The following SPAG16 variants were observed in gnomAD, a reference collection of about 807,000 sequenced individuals.
SPAG16 encodes the protein sperm associated antigen 16.
SPAG16 carries 86 observed loss-of-function variants against 80.4 expected under a neutral mutation model. That is an observed-to-expected ratio of 1.07 (90% confidence interval 0.90 to 1.28). The LOEUF (loss-of-function observed/expected upper bound fraction) is 1.28, where lower values mean the gene tolerates loss of function less well. SPAG16 is among the 50% of genes most tolerant of loss of function. The pLI is 0.00. For missense variants in SPAG16, 870 were observed against 765.3 expected (o/e 1.14, Z -1.61); for synonymous variants, 294 against 265.9 (o/e 1.11, Z -1.03).
In SPAG16 at chr2:213,827,205, C is replaced by T. The variant is rs79226278; in HGVS notation, c.1071-35280C>T. On this transcript the variant is annotated intron_variant, in intron 10 of 15. Transcript: ENST00000331683. ...TATATTTAATGTTATTAATGACCTA[C>T]TCTGGCCATTTTGTTTTTTGTTGTC... Among the ~76,000 whole-genome samples the T allele has an allele frequency of 8.9e-3, 1,353 of 151,924 alleles. 25 individuals are homozygous for T. The highest frequency in any genetic ancestry group is 0.03 in the African/African-American group (1,229 of 41,506).
intron 10 of SPAG16, among the ~76,000 whole-genome samples, chr2:213,784,649 AAAAAG>A (rs2070220098): frequency 6.7e-6 from 1 of 149,944 alleles, no homozygotes; most frequent in African/African-American, 2.4e-5. Flanking sequence ...AAAAAAAAAA[AAAAAG>A]AACTGTGAGA....
At chr2:213,850,699 T>A (rs1360180834) in intron 10 of SPAG16, among the ~76,000 whole-genome samples, 9 of 150,908 alleles carry the variant, frequency 6.0e-5, no homozygotes, top group South Asian at 4.2e-4. Context: ...TTTTTTTTTT[T>A]ATGATTTTCT....
At position 214,272,298 on chromosome 2, in the gene SPAG16, ATTTT is replaced by A. The variant is rs527948136; in HGVS notation, c.1720+123039_1720+123042del. The stretch of plus-strand genomic sequence containing the variant: ...TGTCTCTTATATCTGTATGGTGGAA[ATTTT>A]TTTTTTATTATACTTTAAGTTCTAG... On this transcript the variant is annotated intron_variant, in intron 15 of 15. Coordinates refer to ENST00000331683, the MANE Select transcript of SPAG16 (RefSeq NM_024532.5). Among the ~76,000 whole-genome samples the A allele has an allele frequency of 5.3e-5, 8 of 150,306 alleles. No homozygotes were observed. The East Asian group carries it at 1.6e-3, about 29-fold the overall frequency.
intron 10 of SPAG16, among the ~76,000 whole-genome samples, chr2:213,634,029 A>G (rs2062261583): frequency 6.6e-6 from 1 of 152,118 alleles, no homozygotes; most frequent in Non-Finnish European, 1.5e-5. Context: ...ATTCAATGTT[A>G]TTATTGATAA....
intron 11 of SPAG16, among the ~76,000 whole-genome samples, chr2:213,889,519 C>T (rs1460570676): frequency 6.6e-6 from 1 of 151,062 alleles, no homozygotes; most frequent in African/African-American, 2.4e-5. Flanking sequence ...TATATCTGTT[C>T]TTCTTTGTTA....
chr2:213,561,487 T>C (rs1402162422), intron 10 of SPAG16, among the ~76,000 whole-genome samples: 1 of 152,188 alleles, frequency 6.6e-6, no homozygotes, highest in Non-Finnish European at 1.5e-5. Context: ...TTTACCTTGA[T>C]ATAATCACTC....
At chr2:214,237,633 T>C (rs1689167874) in intron 15 of SPAG16, among the ~76,000 whole-genome samples, 1 of 152,104 alleles carries the variant, frequency 6.6e-6, no homozygotes, top group Non-Finnish European at 1.5e-5. Context: ...TTTTGTTGAT[T>C]CAATTTTTGT....
chr2:213,757,396 G>C (rs1285297268), intron 10 of SPAG16, among the ~76,000 whole-genome samples: 1 of 151,498 alleles, frequency 6.6e-6, no homozygotes, highest in Admixed American at 6.6e-5. Flanking sequence ...ACCAAAAAGA[G>C]CCCAAACAAT....
At chr2:214,277,115 C>T (rs1576658587) in intron 15 of SPAG16, among the ~76,000 whole-genome samples, 1 of 152,242 alleles carries the variant, frequency 6.6e-6, no homozygotes, top group East Asian at 1.9e-4. Flanking sequence ...ACGTAGTTCT[C>T]ATGCCATGGT....
intron 9 of SPAG16, among the ~76,000 whole-genome samples, chr2:213,406,093 G>T (rs994021418): frequency 6.6e-6 from 1 of 152,156 alleles, no homozygotes; most frequent in Non-Finnish European, 1.5e-5. Context: ...AAAGGCAATG[G>T]TCAATTACTG....
intron 10 of SPAG16, among the ~76,000 whole-genome samples, chr2:213,674,682 A>T (rs1262430961): frequency 6.7e-6 from 1 of 149,680 alleles, no homozygotes; most frequent in Non-Finnish European, 1.5e-5. Context: ...ATGATTTCCA[A>T]TTTCATCCAT....
At chr2:213,468,399 ATATC>A (rs2072834184) in intron 9 of SPAG16, among the ~76,000 whole-genome samples, 1 of 145,286 alleles carries the variant, frequency 6.9e-6, no homozygotes, top group Non-Finnish European at 1.5e-5. Flanking sequence ...ATATATATAT[ATATC>A]TATGTATTTA....
intron 15 of SPAG16, among the ~76,000 whole-genome samples, chr2:214,189,221 A>C (rs1011265970): frequency 2.6e-5 from 4 of 152,124 alleles, no homozygotes; most frequent in African/African-American, 9.7e-5. Flanking sequence ...TCTGGCCACC[A>C]GGCCTTTAGT....
At chr2:214,161,557 T>C (rs1260330816) in intron 15 of SPAG16, among the ~76,000 whole-genome samples, 3 of 152,174 alleles carry the variant, frequency 2.0e-5, no homozygotes, top group African/African-American at 7.2e-5. Flanking sequence ...TGATCAGTGA[T>C]GTTGAGCTTT....
At chr2:213,943,485 T>C (rs577102608) in intron 12 of SPAG16, among the ~76,000 whole-genome samples, 2 of 152,254 alleles carry the variant, frequency 1.3e-5, no homozygotes, top group South Asian at 4.2e-4. Flanking sequence ...TTGGGAAACA[T>C]GTTATTGGAC....
At chr2:213,408,117 G>GA (rs558288380) in intron 9 of SPAG16, among the ~76,000 whole-genome samples, 72 of 135,172 alleles carry the variant, frequency 5.3e-4, no homozygotes, top group South Asian at 1.1e-3. Flanking sequence ...CAAAAACAAA[G>GA]AAAAAAAAAC....
chr2:214,157,146 G>A (rs17815546), intron 15 of SPAG16, among the ~76,000 whole-genome samples: 47,822 of 152,042 alleles, frequency 0.31, 9,467 homozygotes, highest in Non-Finnish European at 0.43. Flanking sequence ...CTCTTTGGAT[G>A]CACAAGTCTA....
intron 7 of SPAG16, among the ~76,000 whole-genome samples, chr2:213,361,007 C>A (rs952592209): frequency 1.3e-5 from 2 of 151,780 alleles, no homozygotes; most frequent in African/African-American, 4.8e-5. Context: ...CTCCTTAAAC[C>A]TATACCTTGC....
intron 5 of SPAG16, among the ~76,000 whole-genome samples, chr2:213,323,655 C>A (rs1668585281): frequency 6.6e-6 from 1 of 152,188 alleles, no homozygotes; most frequent in African/African-American, 2.4e-5. Context: ...AAACCAGGAT[C>A]TGAGGCAGAT....
Sources: gnomAD v4.1 joint callset for allele counts (sites outside exome capture counted in the v4.1 genomes callset) on GRCh38, gnomAD v4.1.1 for gene constraint, MANE v1.5 for transcripts, NCBI Gene and HGNC (gene_info 2026-07-23, HGNC 2026-07-21) for gene names.